The following BCAS3 variants were observed in gnomAD, a reference collection of about 807,000 sequenced individuals.
BCAS3 encodes the protein BCAS3 microtubule associated cell migration factor, also known as BCAS4/BCAS3 fusion.
In BCAS3, 53 loss-of-function variants were observed where a neutral mutation model predicts 116.1. That is an observed-to-expected ratio of 0.46 (90% CI 0.37 to 0.57). The LOEUF is 0.57. BCAS3 is among the 20% of genes least tolerant of loss of function. The probability of loss-of-function intolerance (pLI) is 0.00; values close to 1 mark genes in which losing one functional copy is unlikely to be tolerated. For synonymous variants in BCAS3, 391 were observed against 408.2 expected (o/e 0.96, Z 0.51); for missense variants, 917 against 1,165.4 (o/e 0.79, Z 3.10).
In BCAS3 at chr17:61,215,084, A is replaced by G. The variant is rs1022831331; in HGVS notation, c.2425+130520A>G. Among the ~76,000 whole-genome samples, 2 of 152,208 alleles carry G rather than the reference A, an allele frequency of 1.3e-5. No individual in the cohort carries two copies. Among genetic ancestry groups the G allele is most frequent in the African/African-American group, 4.8e-5 (2 of 41,432 alleles). On this transcript the variant is annotated intron_variant, in intron 22 of 23. Coordinates refer to ENST00000407086, the MANE Select transcript of BCAS3 (RefSeq NM_017679.5). This position sits in a 1 kb window ranked among gnomAD's most constrained non-coding sequence, Gnocchi z 4.8. ...CCAAGATTAATTTCACATATTATCTATTATTATAGTTTTTCCTAATCTACC... is the reference window on the plus strand; with the variant it reads ...CCAAGATTAATTTCACATATTATCTGTTATTATAGTTTTTCCTAATCTACC...
In BCAS3 at chr17:61,151,633, T is replaced by A. The variant is rs185191978; in HGVS notation, c.2425+67069T>A. 4.6e-5 allele frequency among the ~76,000 whole-genome samples: 7 copies of A among 152,224 alleles called. No homozygotes were observed. The East Asian group carries it at 1.4e-3, about 29-fold the overall frequency. ...CTAGCACGCCCAGCAAATTTTTAAA[T>A]TTTTGGCAGAAACAAGTTCTCGCCA... On this transcript the variant is annotated intron_variant, in intron 22 of 23. Transcript: ENST00000407086. The surrounding 1 kb of genome is among the most constrained non-coding windows in gnomAD (Gnocchi z 4.8).
At chr17:61,303,039 G>A (rs1408088338) in intron 22 of BCAS3, among the ~76,000 whole-genome samples, 1 of 152,182 alleles carries the variant, frequency 6.6e-6, no homozygotes, top group Non-Finnish European at 1.5e-5. Context: ...ACTGGCCATG[G>A]AAGGGAAAGG....
rs1022656473 is a variant in BCAS3, at chr17:61,278,292, C to T, written c.2426-90035C>T. Among the ~76,000 whole-genome samples, 2 of 152,180 alleles carry T rather than the reference C, an allele frequency of 1.3e-5. No individual in the cohort carries two copies. The highest frequency in any genetic ancestry group is 2.9e-5 in the Non-Finnish European group (2 of 68,030). ...TCCTGACCTTGTGATCCGCCTGCCT[C>T]GGCCTCTCAAAGTGCTGGGATTACA... is the stretch of plus-strand genomic sequence containing the variant. On this transcript the variant is annotated intron_variant, in intron 22 of 23. Transcript: ENST00000407086. This position sits in a 1 kb window ranked among gnomAD's most constrained non-coding sequence, Gnocchi z 5.8.
At chr17:60,725,147 TACTC>T (rs1262512863) in intron 5 of BCAS3, among the ~76,000 whole-genome samples, 2 of 152,354 alleles carry the variant, frequency 1.3e-5, no homozygotes, top group Admixed American at 1.3e-4. Context: ...AGAATAGTGA[TACTC>T]AATTGATTCA....
chr17:61,285,258 T>TGTGTGTGTGTGTGTGTGTG lies in BCAS3; in HGVS notation c.2426-83069_2426-83068insGTGTGTGTGTGTGTGTGTG, dbSNP rs766590925. Among the ~76,000 whole-genome samples the TGTGTGTGTGTGTGTGTGTG allele has an allele frequency of 2.0e-5, 3 of 151,936 alleles. No individual in the cohort carries two copies. The highest frequency in any genetic ancestry group is 2.1e-4 in the South Asian group (1 of 4,812). On this transcript the variant is annotated intron_variant, in intron 22 of 23. Coordinates refer to ENST00000407086, the MANE Select transcript of BCAS3 (RefSeq NM_017679.5). The surrounding 1 kb of genome is among the most constrained non-coding windows in gnomAD (Gnocchi z 5.4). ...GTGTGTGTGTGTGTGTGTGTGTGTGTTTCTTGCTAAAATGCAGCAAAGGAA... is the reference window on the plus strand; with the variant it reads ...GTGTGTGTGTGTGTGTGTGTGTGTGTGTGTGTGTGTGTGTGTGTGTTCTTGCTAAAATGCAGCAAAGGAA...
At chr17:61,197,624 T>C (rs1222616725) in intron 22 of BCAS3, among the ~76,000 whole-genome samples, 1 of 152,110 alleles carries the variant, frequency 6.6e-6, no homozygotes, top group Non-Finnish European at 1.5e-5. Flanking sequence ...GATCAGAAAG[T>C]TAGAATGTGC....
rs1568670083 is a variant in BCAS3, at chr17:61,251,890, T to TG, written c.2426-116436dup. 6.6e-6 allele frequency among the ~76,000 whole-genome samples: 1 copy of TG among 152,214 alleles called. No individual in the cohort carries two copies. The highest frequency in any genetic ancestry group is 1.9e-4 in the East Asian group (1 of 5,194). ...GAGGTTGTAAAGAAGCTCTTTATAA[T>TG]GAAGATCCCAAATATGTGAGCCTTC... is the stretch of plus-strand genomic sequence containing the variant. On this transcript the variant is annotated intron_variant, in intron 22 of 23. Coordinates refer to ENST00000407086, the MANE Select transcript of BCAS3 (RefSeq NM_017679.5). The surrounding 1 kb of genome is among the most constrained non-coding windows in gnomAD (Gnocchi z 4.7).
chr17:60,971,413 G>C (rs1282956020), intron 14 of BCAS3, among the ~76,000 whole-genome samples: 2 of 152,134 alleles, frequency 1.3e-5, no homozygotes, highest in Non-Finnish European at 2.9e-5. Context: ...AGCTTCCATA[G>C]GCAGTACATA....
In BCAS3 at chr17:61,199,167, G is replaced by A. The variant is rs1451226839; in HGVS notation, c.2425+114603G>A. On this transcript the variant is annotated intron_variant, in intron 22 of 23. Coordinates refer to ENST00000407086, the MANE Select transcript of BCAS3 (RefSeq NM_017679.5). This position sits in a 1 kb window ranked among gnomAD's most constrained non-coding sequence, Gnocchi z 4.6. ...TACATTTGTGGTCTTACTGGGATAT[G>A]CCAGGAAGAAATTTCTTCCTTCTAT... Among the ~76,000 whole-genome samples the A allele has an allele frequency of 1.3e-5, 2 of 152,150 alleles. No homozygotes were observed. The highest frequency in any genetic ancestry group is 2.9e-5 in the Non-Finnish European group (2 of 68,026).
intron 22 of BCAS3, among the ~76,000 whole-genome samples, chr17:61,107,143 G>A (rs560132422): frequency 4.5e-5 from 6 of 131,904 alleles, no homozygotes; most frequent in Non-Finnish European, 7.8e-5. Context: ...CTGGAGTGAA[G>A]TGGTGTGATC....
At chr17:60,905,071 A>C (rs2058116767) in intron 11 of BCAS3, among the ~76,000 whole-genome samples, 1 of 152,216 alleles carries the variant, frequency 6.6e-6, no homozygotes, top group Non-Finnish European at 1.5e-5. Context: ...GATGTGAAAA[A>C]TCCTAAATAA....
chr17:61,075,117 CTCTT>C (rs1366316532), intron 20 of BCAS3, 97 bp downstream of exon 20: 1 of 895,396 alleles, frequency 1.1e-6, no homozygotes, highest in Non-Finnish European at 1.7e-6. Flanking sequence ...GAATTGGTAA[CTCTT>C]TATTGGATTA....
At position 61,180,212 on chromosome 17, in the gene BCAS3, C is replaced by T. The variant is rs887903588; in HGVS notation, c.2425+95648C>T. On this transcript the variant is annotated intron_variant, in intron 22 of 23. Transcript: ENST00000407086. The surrounding 1 kb of genome is among the most constrained non-coding windows in gnomAD (Gnocchi z 6.0). ...CCGATTAAAAGCTCAGAGAAGCTGT[C>T]GTACATTTTTATATTAATCCCAAGA... 6.6e-6 allele frequency among the ~76,000 whole-genome samples: 1 copy of T among 152,030 alleles called. No homozygotes were observed. Among genetic ancestry groups the T allele is most frequent in the African/African-American group, 2.4e-5 (1 of 41,384 alleles).
chr17:60,778,751 C>T (rs1246338374), intron 6 of BCAS3, among the ~76,000 whole-genome samples: 1 of 152,144 alleles, frequency 6.6e-6, no homozygotes, highest in Non-Finnish European at 1.5e-5. Flanking sequence ...CTTTAAATCT[C>T]TTTATAAGAT....
At chr17:60,864,252 G>A (rs951586669) in intron 7 of BCAS3, among the ~76,000 whole-genome samples, 8 of 152,190 alleles carry the variant, frequency 5.3e-5, no homozygotes, top group Non-Finnish European at 8.8e-5. Context: ...GCTGATGGGA[G>A]TGTCACTTAG....
At chr17:60,916,596 A>G (rs1462917935) in intron 12 of BCAS3, among the ~76,000 whole-genome samples, 1 of 152,212 alleles carries the variant, frequency 6.6e-6, no homozygotes. Flanking sequence ...TTATAAGATT[A>G]TATTTGATGA....
At chr17:61,046,525 G>T (rs762839800) in intron 19 of BCAS3, among the ~76,000 whole-genome samples, 8 of 151,828 alleles carry the variant, frequency 5.3e-5, no homozygotes, top group African/African-American at 7.2e-5. Context: ...TATGCTTCAA[G>T]TCATCTTTAG....
intron 10 of BCAS3, among the ~76,000 whole-genome samples, chr17:60,901,078 G>A (rs1002722874): frequency 6.6e-6 from 1 of 152,046 alleles, no homozygotes; most frequent in African/African-American, 2.4e-5. Context: ...AGGCGTGGTG[G>A]CATGTGCCTG....
At position 61,023,439 on chromosome 17, in the gene BCAS3, T is replaced by C. The variant is rs1310101625; in HGVS notation, c.1637+7538T>C. 1.3e-5 allele frequency among the ~76,000 whole-genome samples: 2 copies of C among 152,220 alleles called. No individual in the cohort carries two copies. The highest frequency in any genetic ancestry group is 2.9e-5 in the Non-Finnish European group (2 of 68,024). ...ATGTTTATAAAATTTGTCTCTTAGA[T>C]GCCACGTACTTCTTTAACTCTGGAG... On this transcript the variant is annotated intron_variant, in intron 16 of 23. Transcript: ENST00000407086. The surrounding 1 kb of genome is among the most constrained non-coding windows in gnomAD (Gnocchi z 4.8).
Sources: allele counts gnomAD v4.1 joint callset (sites outside exome capture counted in the v4.1 genomes callset), GRCh38; gene constraint gnomAD v4.1.1; non-coding constraint Gnocchi (gnomAD v3.1); transcripts MANE v1.5; gene names NCBI Gene and HGNC (gene_info 2026-07-23, HGNC 2026-07-21).